Variants in PYM1 observed in about 807,000 individuals in gnomAD.
PYM1 encodes the protein partner of Y14 and mago.
Under a neutral mutation model 20.7 loss-of-function variants are expected in PYM1, and 7 were observed. That is an observed-to-expected ratio of 0.34 (90% CI 0.19 to 0.64). The LOEUF is 0.64. PYM1 is among the 30% of genes least tolerant of loss of function. The probability of loss-of-function intolerance (pLI) is 0.74; values close to 1 mark genes in which losing one functional copy is unlikely to be tolerated. For synonymous variants in PYM1, 100 were observed against 99.2 expected (o/e 1.01, Z -0.05); for missense variants, 194 against 250.0 (o/e 0.78, Z 1.51).
chr12:55,919,307 C>G (rs1026540000), intron 1 of PYM1, among the ~76,000 whole-genome samples: 2 of 152,110 alleles, frequency 1.3e-5, no homozygotes, highest in African/African-American at 4.8e-5. Context: ...TGTGTGTCAC[C>G]ACACCCAGTT....
chr12:55,919,762 T>A (rs1013638993), intron 1 of PYM1, among the ~76,000 whole-genome samples: 1 of 151,830 alleles, frequency 6.6e-6, no homozygotes, highest in African/African-American at 2.4e-5. Flanking sequence ...TAGCTGGGCA[T>A]AGTGGTGCGT....
At position 55,923,517 on chromosome 12, in the gene PYM1, A is replaced by G. The variant is rs556565031; in HGVS notation, c.37+4208T>C. ...GAAGTTAAGACTACAGTAAATGGTG[A>G]TTGCACCACTGCACTCCAGCCTGGG... On this transcript the variant is annotated intron_variant, in intron 1 of 2. Transcript: ENST00000408946. 9.8e-4 allele frequency among the ~76,000 whole-genome samples: 147 copies of G among 150,554 alleles called. 1 individual carries two copies. Among genetic ancestry groups the G allele is most frequent in the Non-Finnish European group, 1.3e-3 (89 of 67,716 alleles).
chr12:55,920,593 G>A lies in PYM1; in HGVS notation c.37+7132C>T, dbSNP rs150311982. Among the ~76,000 whole-genome samples, 623 of 148,170 alleles carry A rather than the reference G, an allele frequency of 4.2e-3. 3 individuals are homozygous for A. Among genetic ancestry groups the A allele is most frequent in the South Asian group, 0.014 (66 of 4,708 alleles). ...GTGGAGATTGTAGTGAGCAGAGATC[G>A]CACCACTGCACTCCAGCCTGGTGAC... On this transcript the variant is annotated intron_variant, in intron 1 of 2. Transcript: ENST00000408946.
rs1324398216 is a variant in PYM1 at position 55,901,749 on chromosome 12, C to T, written c.*123G>A. The T allele has an allele frequency of 9.2e-6, 12 of 1,306,872 alleles. No homozygotes were observed. The highest frequency in any genetic ancestry group is 1.8e-5 in the African/African-American group (1 of 54,072). 81.0% of individuals were successfully genotyped at this position (1,306,872 alleles called of 1,614,324 possible). ...TAGGCTCTGGAGGACAGAGCTGGGC[C>T]GCAGGAGGTGGAAGTAAGCCAGTAT... On this transcript the variant is annotated 3_prime_UTR_variant, in exon 3 of 3. Coordinates refer to ENST00000408946, the MANE Select transcript of PYM1 (RefSeq NM_032345.3).
intron 1 of PYM1, among the ~76,000 whole-genome samples, 171 bp from the exon 2 acceptor site, chr12:55,903,651 C>T (rs1421031189): frequency 1.3e-5 from 2 of 152,014 alleles, no homozygotes; most frequent in East Asian, 1.9e-4. Flanking sequence ...TATTTATTTA[C>T]CGAGTGCCAA....
At chr12:55,927,091 T>A in intron 1 of PYM1, 1 of 1,540,406 alleles carries the variant, frequency 6.5e-7, no homozygotes, top group South Asian at 1.2e-5. Flanking sequence ...GTCTCGTCAG[T>A]AACATAGGGA....
intron 1 of PYM1, chr12:55,914,454 G>T (rs1412797681): frequency 3.0e-6 from 2 of 665,894 alleles, no homozygotes; most frequent in South Asian, 3.2e-5. Context: ...GACTGCTACT[G>T]TAAGAATCTT....
intron 1 of PYM1, among the ~76,000 whole-genome samples, chr12:55,917,607 C>T (rs989058705): frequency 2.6e-5 from 4 of 152,072 alleles, no homozygotes; most frequent in Non-Finnish European, 5.9e-5. Flanking sequence ...TGGGTACTCA[C>T]GGACATAAAG....
At chr12:55,926,671 G>T in intron 1 of PYM1, among the ~76,000 whole-genome samples, 1 of 152,172 alleles carries the variant, frequency 6.6e-6, no homozygotes, top group South Asian at 2.1e-4. Flanking sequence ...ATGAAAACGG[G>T]ACTGGGGTAG....
chr12:55,916,832 T>C (rs1194735224), intron 1 of PYM1, among the ~76,000 whole-genome samples: 4 of 151,646 alleles, frequency 2.6e-5, no homozygotes, highest in African/African-American at 9.7e-5. Flanking sequence ...AGTCTGAGGT[T>C]GGGCGTGGTG....
intron 1 of PYM1, chr12:55,927,117 A>C: frequency 6.5e-7 from 1 of 1,550,266 alleles, no homozygotes. Flanking sequence ...CATCTTGAAA[A>C]CGCAAACCAC....
At chr12:55,909,656 G>A (rs887936698) in intron 1 of PYM1, among the ~76,000 whole-genome samples, 2 of 151,650 alleles carry the variant, frequency 1.3e-5, no homozygotes, top group African/African-American at 2.4e-5. Flanking sequence ...GGCATGAAGG[G>A]ACAGAATTGG....
chr12:55,912,167 G>A (rs1347592693), intron 1 of PYM1, among the ~76,000 whole-genome samples: 3 of 151,752 alleles, frequency 2.0e-5, no homozygotes, highest in African/African-American at 7.3e-5. Context: ...CGGCCAACAT[G>A]GTGAAACCCT....
intron 1 of PYM1, among the ~76,000 whole-genome samples, chr12:55,903,719 G>A (rs1414717994): frequency 6.6e-6 from 1 of 151,986 alleles, no homozygotes; most frequent in African/African-American, 2.4e-5. Context: ...AGGTAAGACA[G>A]GATAGGCACA....
intron 1 of PYM1, among the ~76,000 whole-genome samples, chr12:55,904,111 G>A (rs1193063072): frequency 6.6e-6 from 1 of 151,908 alleles, no homozygotes; most frequent in African/African-American, 2.4e-5. Flanking sequence ...AGGATTACAG[G>A]CCCCTGCCAC....
rs369260142 is a variant in PYM1 at position 55,926,384 on chromosome 12, G to A, written c.37+1341C>T. Among the ~76,000 whole-genome samples the A allele has an allele frequency of 3.8e-4, 58 of 152,272 alleles. 2 individuals are homozygous for A. The East Asian group carries it at 4.1e-3, about 11-fold the overall frequency. ...CTTCTCTAGCCAGAAGGAATAGTGGGTTTTATTCACTTGTCAAAGGGCTTC... is the reference window on the plus strand; with the variant it reads ...CTTCTCTAGCCAGAAGGAATAGTGGATTTTATTCACTTGTCAAAGGGCTTC... On this transcript the variant is annotated intron_variant, in intron 1 of 2. Coordinates refer to ENST00000408946, the MANE Select transcript of PYM1 (RefSeq NM_032345.3).
intron 1 of PYM1, among the ~76,000 whole-genome samples, chr12:55,914,633 G>A (rs1592639111): frequency 6.6e-6 from 1 of 152,294 alleles, no homozygotes; most frequent in Non-Finnish European, 1.5e-5. Context: ...CAAAGAGGTA[G>A]GGGACATGGT....
Position 55,915,826 on chromosome 12 carries a change from T to C in PYM1, c.37+11899A>G, listed in dbSNP as rs138093574. ...GATAACAACAAATCAGCAGCCAGTA[T>C]TTCTGCAGGCAGAGAAAAGGGAAAG... On this transcript the variant is annotated intron_variant, in intron 1 of 2. Coordinates refer to ENST00000408946, the MANE Select transcript of PYM1 (RefSeq NM_032345.3). 1.6e-4 allele frequency among the ~76,000 whole-genome samples: 25 copies of C among 152,302 alleles called. No individual in the cohort carries two copies. In the East Asian group the frequency reaches 4.8e-3, roughly 29 times the overall value.
At chr12:55,903,295 G>A (rs1049825463) in intron 2 of PYM1, 92 bp downstream of exon 2, 2 of 1,149,476 alleles carry the variant, frequency 1.7e-6, no homozygotes, top group Admixed American at 4.1e-5. Context: ...TGGGGCTTAG[G>A]AGAGTCCTCC....
Sources: allele counts gnomAD v4.1 joint callset (sites outside exome capture counted in the v4.1 genomes callset), GRCh38; gene constraint gnomAD v4.1.1; transcripts MANE v1.5; gene names NCBI Gene and HGNC (gene_info 2026-07-23, HGNC 2026-07-21).